NOS1: variants seen among roughly 807,000 people sequenced by gnomAD.
The protein encoded by NOS1 is nitric oxide synthase 1.
A neutral mutation model predicts 164.5 loss-of-function variants in NOS1; 51 were observed. The observed-to-expected ratio is 0.31, with a 90% CI of 0.25 to 0.39. NOS1 has a LOEUF of 0.39. Ranked by LOEUF, NOS1 falls within the 10% of genes least tolerant of loss-of-function variation. The pLI is 1.00. For missense variants in NOS1, 1,362 were observed against 1,885.6 expected (o/e 0.72, Z 5.14); for synonymous variants, 719 against 745.8 (o/e 0.96, Z 0.59).
intron 3 of NOS1, chr12:117,302,123 A>G (rs1320814382): frequency 2.2e-6 from 1 of 456,692 alleles, no homozygotes. Context: ...TGGGGGTTCA[A>G]TGAAGCCATG....
chr12:117,335,543 G>A (rs61938732), intron 1 of NOS1, among the ~76,000 whole-genome samples: 3,217 of 152,100 alleles, frequency 0.021, 46 homozygotes, highest in Middle Eastern at 0.078. Flanking sequence ...GCCCAAATAG[G>A]CCAGCGTCTG....
rs985568810 is a variant in NOS1, at chr12:117,361,615, G to A, written c.-524C>T. On this transcript the variant is annotated 5_prime_UTR_variant, in exon 1 of 29. Transcript: ENST00000317775. ...CTGGAAACGCGGCATAAATATGTAGGGACTGAGCCGTGAGCTCAGCGAGGG... is the reference window on the plus strand; with the variant it reads ...CTGGAAACGCGGCATAAATATGTAGAGACTGAGCCGTGAGCTCAGCGAGGG... 1.1e-4 allele frequency: 17 copies of A among 152,028 alleles called. No individual in the cohort carries two copies. The highest frequency in any genetic ancestry group is 4.1e-4 in the African/African-American group (17 of 41,386). 9.4% of individuals were successfully genotyped at this position (152,028 alleles called of 1,614,324 possible).
At chr12:117,215,426 C>T (rs1346426435) in intron 28 of NOS1, 102 bp from the exon 29 acceptor site, 10 of 1,273,540 alleles carry the variant, frequency 7.9e-6, no homozygotes, top group South Asian at 7.7e-5. Flanking sequence ...GGCTCAGGGG[C>T]TTTGTCTCTT....
At chr12:117,255,277 C>A (rs949626899) in intron 16 of NOS1, among the ~76,000 whole-genome samples, 14 of 151,902 alleles carry the variant, frequency 9.2e-5, no homozygotes, top group Admixed American at 9.2e-4. Flanking sequence ...ACAAAGCAAA[C>A]AGAAACAAAC....
chr12:117,330,562 C>T lies in NOS1; in HGVS notation c.508G>A (p.Gly170Ser), dbSNP rs1221307911. The stretch of plus-strand genomic sequence containing the variant: ...AGGCCGTTGGCATGGGGGAGTGAGC[C>T]AGCCTCCTGCCCATCATCGTAGGCA... Reference protein sequence around the residue: ...QHAYDDGQEAGSLPHANGLAP... With the variant: ...QHAYDDGQEASSLPHANGLAP... Residue 170 changes from glycine to serine, a missense_variant, in exon 2 of 29, where the codon GGC (glycine) becomes AGC (serine). Transcript: ENST00000317775. This position sits in a 1 kb window ranked among gnomAD's most constrained non-coding sequence, Gnocchi z 4.6. The T allele has an allele frequency of 1.9e-6, 3 of 1,613,496 alleles. No homozygotes were observed. The highest frequency in any genetic ancestry group is 2.5e-6 in the Non-Finnish European group (3 of 1,179,910).
chr12:117,327,198 G>T (rs1875294527), intron 2 of NOS1, among the ~76,000 whole-genome samples: 1 of 152,184 alleles, frequency 6.6e-6, no homozygotes, highest in African/African-American at 2.4e-5. Context: ...TATAAAGTAA[G>T]ACAGAGCTCC....
At position 117,213,968 on chromosome 12, in the gene NOS1, G is replaced by GT; in HGVS notation, c.*1340dup. ...ACTTGGCTGCCCATTTTTGATCTGAGTTGAGGGTAACTTATTTGTCAAAAT... is the reference window on the plus strand; with the variant it reads ...ACTTGGCTGCCCATTTTTGATCTGAGTTTGAGGGTAACTTATTTGTCAAAAT... On this transcript the variant is annotated 3_prime_UTR_variant, in exon 29 of 29. Coordinates refer to ENST00000317775, the MANE Select transcript of NOS1 (RefSeq NM_000620.5). 1 of 985,380 alleles carries GT rather than the reference G, an allele frequency of 1.0e-6. No homozygotes were observed. Among genetic ancestry groups the GT allele is most frequent in the Non-Finnish European group, 1.2e-6 (1 of 829,920 alleles). The allele number at this position is 985,380 out of a possible 1,614,324, so 61.0% of individuals were successfully genotyped here.
chr12:117,232,533 C>T (rs1226172055), intron 21 of NOS1, among the ~76,000 whole-genome samples: 2 of 152,122 alleles, frequency 1.3e-5, no homozygotes, highest in Non-Finnish European at 2.9e-5. Context: ...AACACTAACA[C>T]ATTCTATATG....
intron 13 of NOS1, among the ~76,000 whole-genome samples, chr12:117,262,532 AGATT>A (rs1872020991): frequency 2.7e-5 from 4 of 150,330 alleles, no homozygotes; most frequent in Admixed American, 1.3e-4. Context: ...AGAGAGAGAG[AGATT>A]GATTGATTCT....
chr12:117,228,635 T>A (rs946659383), intron 22 of NOS1, among the ~76,000 whole-genome samples: 1 of 152,040 alleles, frequency 6.6e-6, no homozygotes, highest in Non-Finnish European at 1.5e-5. Context: ...TTCCTTAATC[T>A]CAGAAGACGC....
At chr12:117,350,391 G>A (rs1876561383) in intron 1 of NOS1, among the ~76,000 whole-genome samples, 1 of 152,112 alleles carries the variant, frequency 6.6e-6, no homozygotes, top group African/African-American at 2.4e-5. Context: ...TATTCAATGA[G>A]TCACACCTCC....
At chr12:117,323,845 G>A (rs1446558485) in intron 2 of NOS1, among the ~76,000 whole-genome samples, 5 of 152,028 alleles carry the variant, frequency 3.3e-5, no homozygotes, top group Admixed American at 6.6e-5. Flanking sequence ...GCAGTGAGGC[G>A]ATTTCAACTC....
At chr12:117,310,469 T>C (rs1257615778) in intron 3 of NOS1, among the ~76,000 whole-genome samples, 1 of 152,234 alleles carries the variant, frequency 6.6e-6, no homozygotes, top group Non-Finnish European at 1.5e-5. Flanking sequence ...ACATGTGTAA[T>C]GTGCTCTTAC....
At chr12:117,246,587 C>T (rs1298556127) in intron 18 of NOS1, among the ~76,000 whole-genome samples, 1 of 152,126 alleles carries the variant, frequency 6.6e-6, no homozygotes, top group Admixed American at 6.5e-5. Flanking sequence ...TCTCATCACC[C>T]CCCCAACACT....
chr12:117,275,352 A>G (rs1873095927), intron 9 of NOS1, among the ~76,000 whole-genome samples: 1 of 152,164 alleles, frequency 6.6e-6, no homozygotes, highest in Non-Finnish European at 1.5e-5. Flanking sequence ...TCACAGCAAC[A>G]TAGATAGAAC....
Position 117,330,300 on chromosome 12 carries a change from GCACACACACACACACA to G in NOS1, c.725+29_725+44del. 6.7e-7 allele frequency: 1 copy of G among 1,491,268 alleles called. No homozygotes were observed. Among genetic ancestry groups the G allele is most frequent in the East Asian group, 2.4e-5 (1 of 42,424 alleles). The allele number at this position is 1,491,268 out of a possible 1,614,324, so 92.4% of individuals were successfully genotyped here. Reference sequence around the variant, plus strand: ...GACGCACATGCACACACACAAGCATGCACACACACACACACACACACACACACACCCCTGTGGAGCT... The same window carrying G: ...GACGCACATGCACACACACAAGCATGCACACACACACACCCCTGTGGAGCT... On this transcript the variant is annotated intron_variant, in intron 2 of 28. Coordinates refer to ENST00000317775, the MANE Select transcript of NOS1 (RefSeq NM_000620.5). This position sits in a 1 kb window ranked among gnomAD's most constrained non-coding sequence, Gnocchi z 4.6.
chr12:117,232,185 T>G, intron 21 of NOS1, 54 bp from the exon 22 acceptor site: 1 of 1,576,042 alleles, frequency 6.3e-7, no homozygotes, highest in Non-Finnish European at 8.7e-7. Flanking sequence ...TGAGTCCAAG[T>G]CGGGGGTTCA....
Position 117,304,945 on chromosome 12 carries a change from A to C in NOS1, c.852+6521T>G, listed in dbSNP as rs191052442. 5.4e-5 allele frequency: 50 copies of C among 919,280 alleles called. No individual in the cohort carries two copies. The East Asian group carries it at 4.7e-3, about 86-fold the overall frequency. 56.9% of individuals were successfully genotyped at this position (919,280 alleles called of 1,614,324 possible). Reference sequence around the variant, plus strand: ...CTCCTGTGTTAGGAAGTTCTTCCTCATGTCTAACCTGCATTCGTCCTGCTT... The same window carrying C: ...CTCCTGTGTTAGGAAGTTCTTCCTCCTGTCTAACCTGCATTCGTCCTGCTT... On this transcript the variant is annotated intron_variant, in intron 3 of 28. Transcript: ENST00000317775.
At chr12:117,284,555 G>A (rs1466124582) in intron 7 of NOS1, among the ~76,000 whole-genome samples, 4 of 152,132 alleles carry the variant, frequency 2.6e-5, no homozygotes, top group African/African-American at 4.8e-5. Flanking sequence ...GTCTCCAGGC[G>A]ACAGAGCAAG....
Sources: allele counts gnomAD v4.1 joint callset (sites outside exome capture counted in the v4.1 genomes callset), GRCh38; gene constraint gnomAD v4.1.1; non-coding constraint Gnocchi (gnomAD v3.1); transcripts MANE v1.5; gene names NCBI Gene and HGNC (gene_info 2026-07-23, HGNC 2026-07-21).